ATXN8OS: variants seen among roughly 807,000 people sequenced by gnomAD.
ATXN8OS encodes ATXN8 opposite strand (non-protein coding).
chr13:70,108,375 G>A (rs928368108), intron 1 of ATXN8OS: 15 of 198,896 alleles, frequency 7.5e-5, no homozygotes, highest in African/African-American at 3.2e-4. Flanking sequence ...TTGTAAAAGA[G>A]AAAAATAGAT....
intron 4 of ATXN8OS, among the ~76,000 whole-genome samples, chr13:70,164,869 A>T (rs1197568821): frequency 6.6e-6 from 1 of 152,054 alleles, no homozygotes; most frequent in Non-Finnish European, 1.5e-5. Context: ...ACTGAAAATA[A>T]AAGAATTGTG....
chr13:70,157,958 C>T (rs914642180), intron 4 of ATXN8OS, among the ~76,000 whole-genome samples: 1 of 152,104 alleles, frequency 6.6e-6, no homozygotes, highest in Non-Finnish European at 1.5e-5. Flanking sequence ...TGCAAAAAAT[C>T]ATTTGAGCCA....
At chr13:70,165,022 C>T (rs964482324) in intron 4 of ATXN8OS, among the ~76,000 whole-genome samples, 1 of 151,810 alleles carries the variant, frequency 6.6e-6, no homozygotes, top group Non-Finnish European at 1.5e-5. Flanking sequence ...AAGTATTTCC[C>T]ATGAAATCTA....
Sources: allele counts gnomAD v4.1 joint callset (sites outside exome capture counted in the v4.1 genomes callset), GRCh38; gene constraint gnomAD v4.1.1; transcripts MANE v1.5; gene names NCBI Gene and HGNC (gene_info 2026-07-23, HGNC 2026-07-21).